COL15A1: variants seen among roughly 807,000 people sequenced by gnomAD.
COL15A1 encodes the protein collagen type XV alpha 1 chain, also known as collagen alpha-1(XV) chain.
Under a neutral mutation model 165.9 loss-of-function variants are expected in COL15A1, and 111 were observed. That is an observed-to-expected ratio of 0.67 (90% CI 0.57 to 0.78). COL15A1 has a LOEUF of 0.78. Among genes scored for constraint, COL15A1 ranks in the 30% least tolerant of loss-of-function variants. COL15A1 has a pLI of 0.00. For synonymous variants in COL15A1, 659 were observed against 674.8 expected, an observed-to-expected ratio of 0.98 and a Z score of 0.36; for missense variants, 1,745 against 1,789.7, an observed-to-expected ratio of 0.98 and a Z score of 0.45.
chr9:99,054,859 A>T (rs140421691), intron 32 of COL15A1, among the ~76,000 whole-genome samples: 1 of 152,186 alleles, frequency 6.6e-6, no homozygotes, highest in Non-Finnish European at 1.5e-5. Context: ...AAATCCAATC[A>T]TTCATCTTTT....
At chr9:99,008,583 C>T (rs990678203) in intron 9 of COL15A1, among the ~76,000 whole-genome samples, 1 of 152,134 alleles carries the variant, frequency 6.6e-6, no homozygotes, top group Admixed American at 6.5e-5. Flanking sequence ...TAGAAATATG[C>T]TCCAAATTTT....
intron 32 of COL15A1, among the ~76,000 whole-genome samples, 178 bp downstream of exon 32, chr9:99,054,834 T>C (rs1263136424): frequency 6.6e-6 from 1 of 152,190 alleles, no homozygotes; most frequent in African/African-American, 2.4e-5. Flanking sequence ...GGGAACATTG[T>C]CAAGAGAGAC....
intron 5 of COL15A1, among the ~76,000 whole-genome samples, chr9:98,994,788 G>C (rs909282198): frequency 3.3e-5 from 5 of 152,038 alleles, no homozygotes; most frequent in Non-Finnish European, 7.4e-5. Flanking sequence ...TTTGTCACAG[G>C]CCACACTGGA....
At chr9:99,030,236 T>G (rs996096891) in intron 16 of COL15A1, among the ~76,000 whole-genome samples, 2 of 152,230 alleles carry the variant, frequency 1.3e-5, no homozygotes, top group East Asian at 3.8e-4. Flanking sequence ...ATGTTTCCAT[T>G]AGTGAACTGA....
chr9:98,985,539 C>T (rs777271466), intron 2 of COL15A1, 26 bp from the exon 3 acceptor site: 35 of 1,592,612 alleles, frequency 2.2e-5, no homozygotes, highest in Non-Finnish European at 2.6e-5. Flanking sequence ...ACCTGTAAAG[C>T]GTGGCCTCTC....
At chr9:99,060,243 TA>T (rs1564093506) in intron 36 of COL15A1, among the ~76,000 whole-genome samples, 6 of 138,094 alleles carry the variant, frequency 4.3e-5, no homozygotes, top group Non-Finnish European at 6.1e-5. Flanking sequence ...TTTATATATA[TA>T]TATATATATA....
chr9:99,050,029 C>A, intron 30 of COL15A1, 134 bp downstream of exon 30: 1 of 1,226,862 alleles, frequency 8.2e-7, no homozygotes, highest in Non-Finnish European at 1.2e-6. Flanking sequence ...TAAGTGTAGA[C>A]CCTCAAGTGA....
intron 2 of COL15A1, among the ~76,000 whole-genome samples, chr9:98,964,854 T>C (rs1431574209): frequency 6.6e-6 from 1 of 152,166 alleles, no homozygotes; most frequent in African/African-American, 2.4e-5. Flanking sequence ...GCTCTGAAGG[T>C]TACCCTGATT....
intron 3 of COL15A1, 86 bp from the exon 4 acceptor site, chr9:98,987,208 T>C (rs778142093): frequency 6.1e-6 from 8 of 1,318,494 alleles, no homozygotes; most frequent in Non-Finnish European, 8.6e-6. Context: ...CCTGTTCGTC[T>C]CCATTGCCAA....
chr9:99,017,882 A>G (rs970941823), intron 11 of COL15A1, among the ~76,000 whole-genome samples: 1 of 152,250 alleles, frequency 6.6e-6, no homozygotes, highest in African/African-American at 2.4e-5. Context: ...GGAGCTTAGA[A>G]TAGTATAATT....
At chr9:99,040,597 C>G (rs1416297140) in intron 23 of COL15A1, 41 bp downstream of exon 23, 13 of 1,614,088 alleles carry the variant, frequency 8.1e-6, no homozygotes, top group Non-Finnish European at 1.1e-5. Context: ...TGCCCCGTGG[C>G]TGCGATCATT....
intron 8 of COL15A1, among the ~76,000 whole-genome samples, chr9:99,004,063 G>A (rs1321406883): frequency 1.3e-5 from 2 of 152,218 alleles, no homozygotes; most frequent in Admixed American, 6.5e-5. Context: ...GCCTGAAGAA[G>A]GGCAGCATAC....
At chr9:99,058,877 T>A (rs1253640117) in intron 35 of COL15A1, among the ~76,000 whole-genome samples, 1 of 152,118 alleles carries the variant, frequency 6.6e-6, no homozygotes, top group Non-Finnish European at 1.5e-5. Context: ...AACTGAACAT[T>A]TGCTTGCAAC....
intron 9 of COL15A1, among the ~76,000 whole-genome samples, chr9:99,006,897 A>G (rs981688508): frequency 2.6e-5 from 4 of 152,252 alleles, no homozygotes; most frequent in Non-Finnish European, 5.9e-5. Context: ...AACAAGTCTC[A>G]GTCAATTTTG....
chr9:99,067,978 A>G (rs1201429005), intron 40 of COL15A1, among the ~76,000 whole-genome samples: 1 of 152,216 alleles, frequency 6.6e-6, no homozygotes, highest in Non-Finnish European at 1.5e-5. Flanking sequence ...ATAAAACACA[A>G]TTTTGATTGG....
chr9:99,000,793 G>C (rs1838637537), intron 6 of COL15A1, 46 bp from the exon 7 acceptor site: 1 of 907,598 alleles, frequency 1.1e-6, no homozygotes, highest in South Asian at 1.3e-5. Context: ...TCTTTTCCAA[G>C]ACTGCAAAAT....
intron 5 of COL15A1, among the ~76,000 whole-genome samples, chr9:98,996,177 A>G (rs1329458645): frequency 8.5e-5 from 13 of 152,126 alleles, no homozygotes. Flanking sequence ...CAAAACAAAG[A>G]TTGGTTTCTT....
At chr9:98,963,572 A>G (rs886585775) in intron 2 of COL15A1, among the ~76,000 whole-genome samples, 1 of 152,186 alleles carries the variant, frequency 6.6e-6, no homozygotes, top group Non-Finnish European at 1.5e-5. Context: ...ATTCTCAGGG[A>G]TGTGCTTGAC....
chr9:98,944,651 G>A (rs1206678148), intron 2 of COL15A1, among the ~76,000 whole-genome samples: 7 of 152,398 alleles, frequency 4.6e-5, no homozygotes, highest in South Asian at 4.1e-4. Flanking sequence ...CCGCACACAG[G>A]TGCGAAGCAT....
Sources: allele counts gnomAD v4.1 joint callset (sites outside exome capture counted in the v4.1 genomes callset), GRCh38; gene constraint gnomAD v4.1.1; transcripts MANE v1.5; gene names NCBI Gene and HGNC (gene_info 2026-07-23, HGNC 2026-07-21).